SMARCAL1: variants seen among roughly 807,000 people sequenced by gnomAD.
The protein encoded by SMARCAL1 is SNF2 related chromatin remodeling annealing helicase 1, also known as ATP-driven annealing helicase.
Under a neutral mutation model 94.5 loss-of-function variants are expected in SMARCAL1, and 58 were observed. The ratio of observed to expected loss-of-function variants is 0.61; its 90% CI spans 0.50 to 0.76. SMARCAL1 has a LOEUF of 0.76. Among genes scored for constraint, SMARCAL1 ranks in the 30% least tolerant of loss-of-function variants. SMARCAL1 has a pLI of 0.00. For missense variants in SMARCAL1, 1,051 were observed against 1,177.9 expected (o/e 0.89, Z 1.58); for synonymous variants, 422 against 455.1 (o/e 0.93, Z 0.93).
At chr2:216,436,015 C>T (rs1225113742) in intron 9 of SMARCAL1, among the ~76,000 whole-genome samples, 1 of 152,218 alleles carries the variant, frequency 6.6e-6, no homozygotes. Flanking sequence ...GTCACCCAGG[C>T]TGGAGTGCAG....
At chr2:216,478,166 C>T (rs1214218347) in intron 16 of SMARCAL1, 37 bp from the exon 17 acceptor site, 1 of 1,514,320 alleles carries the variant, frequency 6.6e-7, no homozygotes, top group East Asian at 2.3e-5. Flanking sequence ...TGGTTCTGTG[C>T]AGGTTGTATT....
At chr2:216,450,773 C>T (rs574969940) in intron 11 of SMARCAL1, 73 bp from the exon 12 acceptor site, 37 of 1,275,274 alleles carry the variant, frequency 2.9e-5, no homozygotes, top group South Asian at 2.0e-4. Flanking sequence ...AGGGACCTCC[C>T]GGGATCCCAA....
intron 8 of SMARCAL1, among the ~76,000 whole-genome samples, chr2:216,435,118 A>T (rs1694051996): frequency 6.6e-6 from 1 of 151,948 alleles, no homozygotes. Context: ...TCAGCCTCCC[A>T]AAGTGCTGGG....
At chr2:216,416,759 C>T (rs2106016842) in intron 4 of SMARCAL1, among the ~76,000 whole-genome samples, 1 of 152,304 alleles carries the variant, frequency 6.6e-6, no homozygotes, top group East Asian at 1.9e-4. Context: ...AGCCTGCCAG[C>T]CCCTGCTCCC....
chr2:216,451,148 AT>A (rs1694442506), intron 12 of SMARCAL1, 84 bp downstream of exon 12: 2 of 1,098,158 alleles, frequency 1.8e-6, no homozygotes, highest in Non-Finnish European at 1.4e-6. Flanking sequence ...ATGACCTGGC[AT>A]TCTCTCAGCT....
chr2:216,463,220 C>T (rs1179086661), intron 12 of SMARCAL1, among the ~76,000 whole-genome samples: 2 of 152,192 alleles, frequency 1.3e-5, no homozygotes, highest in Non-Finnish European at 2.9e-5. Flanking sequence ...AAGGGGGGTG[C>T]ACCTGTACTA....
intron 4 of SMARCAL1, among the ~76,000 whole-genome samples, chr2:216,418,723 C>A (rs1235292745): frequency 6.6e-6 from 1 of 152,132 alleles, no homozygotes; most frequent in Non-Finnish European, 1.5e-5. Context: ...AGCCTTTTTT[C>A]TATGCGTTAA....
At chr2:216,462,949 C>G (rs1029789005) in intron 12 of SMARCAL1, among the ~76,000 whole-genome samples, 1 of 152,092 alleles carries the variant, frequency 6.6e-6, no homozygotes, top group African/African-American at 2.4e-5. Flanking sequence ...ATGATCGAGT[C>G]CAGCCTGGGT....
chr2:216,433,673 C>T (rs898050702), intron 8 of SMARCAL1, among the ~76,000 whole-genome samples: 9 of 152,104 alleles, frequency 5.9e-5, no homozygotes, highest in African/African-American at 1.9e-4. Flanking sequence ...TATCACTCAC[C>T]CTTGAGCTTT....
chr2:216,413,793 G>C (rs560096914), intron 1 of SMARCAL1, 63 bp from the exon 2 acceptor site: 2 of 152,358 alleles, frequency 1.3e-5, no homozygotes, highest in Non-Finnish European at 2.9e-5. Context: ...AAAAAGGGGT[G>C]AATGTGAGGG....
chr2:216,459,595 T>C (rs553726279), intron 12 of SMARCAL1, among the ~76,000 whole-genome samples: 2 of 152,332 alleles, frequency 1.3e-5, no homozygotes, highest in South Asian at 4.1e-4. Context: ...AAGGATTCCC[T>C]ATTTAACAAA....
chr2:216,480,497 A>T (rs1031982416), intron 17 of SMARCAL1, among the ~76,000 whole-genome samples: 4 of 152,214 alleles, frequency 2.6e-5, no homozygotes, highest in Non-Finnish European at 5.9e-5. Flanking sequence ...CGTTTCCTTG[A>T]CATTGCAGTC....
intron 5 of SMARCAL1, 71 bp from the exon 6 acceptor site, chr2:216,423,562 A>G (rs1693769500): frequency 5.5e-6 from 7 of 1,277,708 alleles, no homozygotes; most frequent in Non-Finnish European, 5.7e-6. Context: ...CCAAGGAATA[A>G]ATGAGTAAGT....
chr2:216,426,179 T>A (rs944876946), intron 6 of SMARCAL1, among the ~76,000 whole-genome samples: 1 of 152,222 alleles, frequency 6.6e-6, no homozygotes, highest in Non-Finnish European at 1.5e-5. Flanking sequence ...CTGAATTTTT[T>A]AAGAAAAATA....
chr2:216,480,177 T>A (rs1695166133), intron 17 of SMARCAL1, among the ~76,000 whole-genome samples: 1 of 152,248 alleles, frequency 6.6e-6, no homozygotes, highest in African/African-American at 2.4e-5. Flanking sequence ...CAAGGTAATA[T>A]AAATGAGTTT....
At chr2:216,443,129 A>G (rs1349775482) in intron 10 of SMARCAL1, among the ~76,000 whole-genome samples, 1 of 152,144 alleles carries the variant, frequency 6.6e-6, no homozygotes, top group Non-Finnish European at 1.5e-5. Flanking sequence ...CTGTAATCCT[A>G]CCACTTTGGG....
intron 9 of SMARCAL1, 108 bp downstream of exon 9, chr2:216,435,604 C>G (rs1694064073): frequency 2.0e-6 from 2 of 990,076 alleles, no homozygotes; most frequent in East Asian, 4.8e-5. Context: ...CATTTAGTTT[C>G]TAGAAGAATA....
chr2:216,438,292 C>T, intron 9 of SMARCAL1, 128 bp from the exon 10 acceptor site: 1 of 795,444 alleles, frequency 1.3e-6, no homozygotes, highest in Non-Finnish European at 2.1e-6. Flanking sequence ...GAGCCATCTC[C>T]TTGAATGAGA....
At position 216,447,174 on chromosome 2, in the gene SMARCAL1, T is replaced by TTCCA; in HGVS notation, c.1851+16_1851+17insTCCA. The TTCCA allele has an allele frequency of 6.3e-6, 10 of 1,579,176 alleles. No homozygotes were observed. Among genetic ancestry groups the TTCCA allele is most frequent in the Non-Finnish European group, 7.8e-6 (9 of 1,150,080 alleles). ...TGCCAAACGGGTATGTATTATCTCTTCCCTCCCAGCCCACCCATTTCTCAC... is the reference window on the plus strand; with the variant it reads ...TGCCAAACGGGTATGTATTATCTCTTTCCACCCTCCCAGCCCACCCATTTCTCAC... On this transcript the variant is annotated intron_variant, in intron 11 of 17. Coordinates refer to ENST00000357276, the MANE Select transcript of SMARCAL1 (RefSeq NM_014140.4).
Sources: allele counts gnomAD v4.1 joint callset (sites outside exome capture counted in the v4.1 genomes callset), GRCh38; gene constraint gnomAD v4.1.1; transcripts MANE v1.5; gene names NCBI Gene and HGNC (gene_info 2026-07-23, HGNC 2026-07-21).